Variants in CC2D2B observed in about 807,000 individuals in gnomAD.
CC2D2B encodes the protein protein CC2D2B.
Under a neutral mutation model 161.2 loss-of-function variants are expected in CC2D2B, and 128 were observed. The ratio of observed to expected loss-of-function variants is 0.79; its 90% CI spans 0.69 to 0.92. The LOEUF (loss-of-function observed/expected upper bound fraction) is 0.92, where lower values mean the gene tolerates loss of function less well. Ranked by LOEUF, CC2D2B falls within the 40% of genes least tolerant of loss-of-function variation. The pLI, the probability that CC2D2B is intolerant of heterozygous loss-of-function variation, is 0.00. For missense variants in CC2D2B, 1,173 were observed against 1,375.1 expected, an observed-to-expected ratio of 0.85 and a Z score of 2.32; for synonymous variants, 391 against 449.8, an observed-to-expected ratio of 0.87 and a Z score of 1.65.
intron 2 of CC2D2B, among the ~76,000 whole-genome samples, chr10:95,915,953 T>C (rs1254753950): frequency 6.6e-6 from 1 of 152,176 alleles, no homozygotes; most frequent in Admixed American, 6.5e-5. Context: ...TCCTCTATTT[T>C]TTGGAACAGT....
intron 10 of CC2D2B, among the ~76,000 whole-genome samples, chr10:95,953,671 T>C (rs1394101901): frequency 6.6e-6 from 1 of 152,180 alleles, no homozygotes; most frequent in Non-Finnish European, 1.5e-5. Flanking sequence ...CTTCAGACAA[T>C]AAGGAAAAGG....
At chr10:95,969,247 A>G (rs1217117948) in intron 15 of CC2D2B, among the ~76,000 whole-genome samples, 1 of 152,180 alleles carries the variant, frequency 6.6e-6, no homozygotes, top group East Asian at 1.9e-4. Context: ...TTTCTATAAT[A>G]CGAACTTCCA....
chr10:95,983,370 T>C (rs1479471326), intron 18 of CC2D2B, among the ~76,000 whole-genome samples: 1 of 152,160 alleles, frequency 6.6e-6, no homozygotes, highest in African/African-American at 2.4e-5. Flanking sequence ...CAAAATTCAG[T>C]GTTCAGTGCG....
Position 95,927,302 on chromosome 10 carries a change from AG to A in CC2D2B, c.308del (p.Gly103ValfsTer13). 6.4e-7 allele frequency: 1 copy of A among 1,551,362 alleles called. No homozygotes were observed. Among genetic ancestry groups the A allele is most frequent in the East Asian group, 2.4e-5 (1 of 40,894 alleles). ...CATTTTTCATTCTGAGTGGTGAAGAAGGTTCAGCTTTGGGCAAGTCTTCAGA... is the reference window on the plus strand; with the variant it reads ...CATTTTTCATTCTGAGTGGTGAAGAAGTTCAGCTTTGGGCAAGTCTTCAGA... ...LSFFILSGEEGSALGKSSEQR... is the reference protein window; with the variant it reads ...LSFFILSGEEXSALGKSSEQR... On this transcript the variant is annotated frameshift_variant, in exon 6 of 35. Coordinates refer to ENST00000646931, the MANE Select transcript of CC2D2B (RefSeq NM_001349008.3). LOFTEE classifies it high-confidence loss of function.
In CC2D2B at chr10:95,973,951, A is replaced by G. The variant is rs901498529; in HGVS notation, c.1796-58A>G. ...AAGTAAAACTCAGGAAAAAACCCAC[A>G]ATGTGCTTCAACTGCACTTAAAACA... On this transcript the variant is annotated intron_variant, in intron 16 of 34. Transcript: ENST00000646931. The G allele has an allele frequency of 1.1e-5, 11 of 1,026,250 alleles. No homozygotes were observed. The Admixed American group carries it at 3.4e-4, about 32-fold the overall frequency. 63.6% of individuals were successfully genotyped at this position (1,026,250 alleles called of 1,614,324 possible).
intron 20 of CC2D2B, among the ~76,000 whole-genome samples, chr10:95,988,704 T>A (rs2077829769): frequency 1.3e-5 from 2 of 152,064 alleles, no homozygotes; most frequent in Non-Finnish European, 2.9e-5. Context: ...ATTCAGGAGA[T>A]GAAGGGATGA....
At chr10:96,006,830 C>T (rs1265864996) in intron 25 of CC2D2B, among the ~76,000 whole-genome samples, 1 of 152,144 alleles carries the variant, frequency 6.6e-6, no homozygotes, top group Non-Finnish European at 1.5e-5. Flanking sequence ...CTTCAACTTA[C>T]ACCAGGATAT....
chr10:95,936,960 C>G (rs998201513), intron 6 of CC2D2B, among the ~76,000 whole-genome samples: 2 of 152,100 alleles, frequency 1.3e-5, no homozygotes, highest in Admixed American at 6.6e-5. Flanking sequence ...CAAAGAGAGC[C>G]CCCATGTGGA....
In CC2D2B at chr10:95,980,268, GCA is replaced by G. The variant is rs560115901; in HGVS notation, c.1944-1705_1944-1704del. Among the ~76,000 whole-genome samples, 15 of 152,314 alleles carry G rather than the reference GCA, an allele frequency of 9.8e-5. No individual in the cohort carries two copies. The South Asian group carries it at 3.1e-3, about 32-fold the overall frequency. ...TTTGACTGGTTTTGACCCAAGAACAGCACTGCTGTGAGCCATAGCCTACAGCT... is the reference window on the plus strand; with the variant it reads ...TTTGACTGGTTTTGACCCAAGAACAGCTGCTGTGAGCCATAGCCTACAGCT... On this transcript the variant is annotated intron_variant, in intron 17 of 34. Coordinates refer to ENST00000646931, the MANE Select transcript of CC2D2B (RefSeq NM_001349008.3).
In CC2D2B at chr10:95,938,308, T is replaced by C. The variant is rs565103741; in HGVS notation, c.535+119T>C. On this transcript the variant is annotated intron_variant, in intron 7 of 34. Transcript: ENST00000646931. ...ATCTAAAATTATAGTAACTTTTCTA[T>C]ATTTGTTTTTCATGACTTCCCTGAA... 77 of 721,548 alleles carry C rather than the reference T, an allele frequency of 1.1e-4. No individual in the cohort carries two copies. The African/African-American group carries it at 1.3e-3, about 12-fold the overall frequency. 44.7% of individuals were successfully genotyped at this position (721,548 alleles called of 1,614,324 possible). A position where few individuals can be genotyped will look rare whatever the true frequency, so the allele number is the denominator to read the frequency against.
In CC2D2B at chr10:95,965,124, A is replaced by G. The variant is rs540664017; in HGVS notation, c.1251-772A>G. 1.1e-4 allele frequency among the ~76,000 whole-genome samples: 17 copies of G among 152,268 alleles called. No homozygotes were observed. In the South Asian group the frequency reaches 3.3e-3, roughly 30 times the overall value. On this transcript the variant is annotated intron_variant, in intron 12 of 34. Coordinates refer to ENST00000646931, the MANE Select transcript of CC2D2B (RefSeq NM_001349008.3). ...TATTTTACCAAAGGATTTCCTTCTT[A>G]AATGATTAAAATGGAAAACAAAACC...
intron 17 of CC2D2B, among the ~76,000 whole-genome samples, chr10:95,977,124 A>G (rs1218857940): frequency 9.0e-3 from 2 of 222 alleles, no homozygotes; most frequent in African/African-American, 0.026. Flanking sequence ...TAATCCCAGC[A>G]CTTTGGAGGC....
At chr10:96,014,063 T>C (rs933247366) in intron 29 of CC2D2B, among the ~76,000 whole-genome samples, 186 bp downstream of exon 29, 6 of 152,204 alleles carry the variant, frequency 3.9e-5, no homozygotes, top group African/African-American at 1.2e-4. Flanking sequence ...CAAAAATCTT[T>C]TCAACATTCT....
chr10:96,013,941 A>G (rs1042176795), intron 29 of CC2D2B, 64 bp downstream of exon 29: 1 of 762,392 alleles, frequency 1.3e-6, no homozygotes, highest in African/African-American at 1.8e-5. Context: ...GAAACCTTTT[A>G]AAAATATTAT....
chr10:95,965,822 TTG>T (rs2141452300), intron 12 of CC2D2B, 72 bp from the exon 13 acceptor site: 1 of 418,436 alleles, frequency 2.4e-6, no homozygotes, highest in Non-Finnish European at 3.9e-6. Context: ...TGTGTGTGTG[TTG>T]GCAAAATCTC....
intron 6 of CC2D2B, among the ~76,000 whole-genome samples, chr10:95,934,775 A>G (rs778721246): frequency 6.0e-4 from 92 of 152,224 alleles, no homozygotes; most frequent in Middle Eastern, 3.2e-3. Context: ...AAATGTAGAC[A>G]TCACCGGCCT....
intron 6 of CC2D2B, among the ~76,000 whole-genome samples, chr10:95,933,015 A>G (rs1205434116): frequency 6.6e-6 from 1 of 152,192 alleles, no homozygotes; most frequent in African/African-American, 2.4e-5. Flanking sequence ...TTTCAGGTAC[A>G]CCAATCAAAT....
At position 95,992,627 on chromosome 10, in the gene CC2D2B, G is replaced by A. The variant is rs151227972; in HGVS notation, c.2572G>A (p.Gly858Arg). Reference protein sequence around the residue: ...KKVTAQAISDGDIKILVRIVR... With the variant: ...KKVTAQAISDRDIKILVRIVR... ...AGTCACAGCGCAGGCGATCTCTGAC[G>A]GAGATATTAAGATTCTTGTCCGAAT... Residue 858 changes from glycine (G) to arginine (R), a missense_variant, in exon 22 of 35, where the codon GGA becomes AGA. Coordinates refer to ENST00000646931, the MANE Select transcript of CC2D2B (RefSeq NM_001349008.3). 3,934 of 1,234,078 alleles carry A rather than the reference G, an allele frequency of 3.2e-3. 10 individuals carry two copies. The highest frequency in any genetic ancestry group is 3.6e-3 in the Non-Finnish European group (3,597 of 987,928). 76.4% of individuals were successfully genotyped at this position (1,234,078 alleles called of 1,614,324 possible). A position where few individuals can be genotyped will look rare whatever the true frequency, so the allele number is the denominator to read the frequency against.
At chr10:95,939,586 A>C (rs1246780109) in intron 9 of CC2D2B, among the ~76,000 whole-genome samples, 2 of 152,206 alleles carry the variant, frequency 1.3e-5, no homozygotes, top group Non-Finnish European at 2.9e-5. Context: ...TGGTTGTACC[A>C]AACTATACAC....
Sources: allele counts gnomAD v4.1 joint callset (sites outside exome capture counted in the v4.1 genomes callset), GRCh38; gene constraint gnomAD v4.1.1; transcripts MANE v1.5; gene names NCBI Gene and HGNC (gene_info 2026-07-23, HGNC 2026-07-21).